The following CSGALNACT1 variants were observed in gnomAD, a reference collection of about 807,000 sequenced individuals.
CSGALNACT1 encodes the protein chondroitin sulfate N-acetylgalactosaminyltransferase 1, also known as beta4GalNAcT-1.
Under a neutral mutation model 51.0 loss-of-function variants are expected in CSGALNACT1, and 52 were observed. That is an observed-to-expected ratio of 1.02 (90% confidence interval 0.82 to 1.29). The LOEUF (loss-of-function observed/expected upper bound fraction) is 1.29, where lower values mean the gene tolerates loss of function less well. CSGALNACT1 is among the 50% of genes most tolerant of loss of function. The pLI is 0.00. For missense variants in CSGALNACT1, 935 were observed against 679.2 expected, an observed-to-expected ratio of 1.38 and a Z score of -4.19; for synonymous variants, 341 against 254.4, an observed-to-expected ratio of 1.34 and a Z score of -3.24.
At chr8:19,564,002 C>T (rs1171854113) in intron 3 of CSGALNACT1, among the ~76,000 whole-genome samples, 1 of 152,146 alleles carries the variant, frequency 6.6e-6, no homozygotes, top group African/African-American at 2.4e-5. Context: ...ACCACACCTA[C>T]TCCTTCAGAT....
chr8:19,475,432 A>C (rs995015124), intron 4 of CSGALNACT1, among the ~76,000 whole-genome samples: 1 of 152,180 alleles, frequency 6.6e-6, no homozygotes, highest in Non-Finnish European at 1.5e-5. Context: ...AATCTGTAAC[A>C]ATCTGAATAT....
At chr8:19,588,632 C>A (rs959266470) in intron 3 of CSGALNACT1, among the ~76,000 whole-genome samples, 2 of 152,180 alleles carry the variant, frequency 1.3e-5, no homozygotes, top group Non-Finnish European at 2.9e-5. Flanking sequence ...GAGATAAGAA[C>A]CCCCGCCTTC....
At chr8:19,725,454 C>CACTCT (rs907652292) in intron 1 of CSGALNACT1, among the ~76,000 whole-genome samples, 1 of 109,018 alleles carries the variant, frequency 9.2e-6, no homozygotes, top group Non-Finnish European at 1.9e-5. Context: ...GATGGAGTTT[C>CACTCT]ACTCTTTTTG....
At chr8:19,604,155 A>G (rs2051010809), upstream of CSGALNACT1, among the ~76,000 whole-genome samples, 1 of 152,174 alleles carries the variant, frequency 6.6e-6, no homozygotes, top group Admixed American at 6.5e-5. Context: ...TAACTGAAAA[A>G]TGAAGAGACT....
chr8:19,534,661 C>T (rs141911285), intron 3 of CSGALNACT1, among the ~76,000 whole-genome samples: 113 of 152,016 alleles, frequency 7.4e-4, no homozygotes, highest in African/African-American at 2.5e-3. Flanking sequence ...TAAAAGCAGA[C>T]GGGAATCGAA....
At position 19,425,686 on chromosome 8, in the gene CSGALNACT1, A is replaced by G. The variant is rs533950990; in HGVS notation, c.954-5168T>C. On this transcript the variant is annotated intron_variant, in intron 6 of 9. Transcript: ENST00000454498. The stretch of plus-strand genomic sequence containing the variant: ...GTTGCAGATGCTCCTGTGGTTTGTG[A>G]TTTTCCTAGGTGCATCCTCAACCTC... 4.6e-5 allele frequency among the ~76,000 whole-genome samples: 7 copies of G among 152,048 alleles called. No homozygotes were observed. In the East Asian group the frequency reaches 1.4e-3, roughly 29 times the overall value.
intron 1 of CSGALNACT1, among the ~76,000 whole-genome samples, chr8:19,724,646 A>G (rs183209303): frequency 1.3e-5 from 2 of 152,328 alleles, no homozygotes; most frequent in Admixed American, 1.3e-4. Context: ...TTGGGAGACC[A>G]TTATTCTGCC....
intron 1 of CSGALNACT1, among the ~76,000 whole-genome samples, chr8:19,701,342 AG>A (rs1460081635): frequency 1.3e-5 from 2 of 150,854 alleles, no homozygotes; most frequent in African/African-American, 4.9e-5. Flanking sequence ...TTAGTAGACA[AG>A]GGGTTTCACC....
At chr8:19,529,162 G>A (rs973528031) in intron 3 of CSGALNACT1, among the ~76,000 whole-genome samples, 3 of 152,090 alleles carry the variant, frequency 2.0e-5, no homozygotes, top group East Asian at 1.9e-4. Context: ...GGGGGTCAAC[G>A]GTAACTTAAA....
chr8:19,560,176 T>C (rs1007141924), intron 3 of CSGALNACT1, among the ~76,000 whole-genome samples: 7 of 152,186 alleles, frequency 4.6e-5, no homozygotes, highest in African/African-American at 9.7e-5. Context: ...TTTCACTAAA[T>C]GGAACTAGAG....
intron 4 of CSGALNACT1, among the ~76,000 whole-genome samples, chr8:19,498,109 G>A (rs560392177): frequency 3.8e-4 from 58 of 152,230 alleles, no homozygotes; most frequent in Non-Finnish European, 5.6e-4. Context: ...ATCCACGACC[G>A]TGACAAAATA....
intron 3 of CSGALNACT1, among the ~76,000 whole-genome samples, chr8:19,509,657 ACCACCTCTG>A (rs2078081936): frequency 6.8e-6 from 1 of 147,540 alleles, no homozygotes; most frequent in Non-Finnish European, 1.5e-5. Context: ...AATGGGTGTC[ACCACCTCTG>A]CCACCTTCAG....
At chr8:19,546,320 G>T (rs556986535) in intron 3 of CSGALNACT1, among the ~76,000 whole-genome samples, 15 of 152,228 alleles carry the variant, frequency 9.9e-5, no homozygotes, top group African/African-American at 3.4e-4. Context: ...CAATATTACG[G>T]CTTTTATTTT....
At chr8:19,441,174 C>A (rs1253788455) in intron 5 of CSGALNACT1, among the ~76,000 whole-genome samples, 1 of 152,166 alleles carries the variant, frequency 6.6e-6, no homozygotes, top group Admixed American at 6.5e-5. Context: ...ATGCCATCCC[C>A]ATCAAGCTAC....
chr8:19,564,169 C>A (rs530146990), intron 3 of CSGALNACT1, among the ~76,000 whole-genome samples: 9 of 152,270 alleles, frequency 5.9e-5, no homozygotes, highest in Non-Finnish European at 1.2e-4. Flanking sequence ...AAAGAGGAAA[C>A]CAGGTCATAT....
chr8:19,472,810 A>G (rs372675621), intron 4 of CSGALNACT1, among the ~76,000 whole-genome samples: 43 of 152,342 alleles, frequency 2.8e-4, no homozygotes, highest in African/African-American at 1.0e-3. Flanking sequence ...GAAGAGTAAG[A>G]TAATATAATA....
intron 3 of CSGALNACT1, among the ~76,000 whole-genome samples, chr8:19,540,363 A>G (rs1253258793): frequency 6.6e-6 from 1 of 152,170 alleles, no homozygotes; most frequent in South Asian, 2.1e-4. Context: ...TCGGGATTAT[A>G]AAGTAGGTCT....
chr8:19,669,023 G>A (rs865930739), intron 1 of CSGALNACT1, among the ~76,000 whole-genome samples: 1 of 152,158 alleles, frequency 6.6e-6, no homozygotes, highest in Non-Finnish European at 1.5e-5. Flanking sequence ...TATTACAGAT[G>A]AATATTTACA....
intron 1 of CSGALNACT1, among the ~76,000 whole-genome samples, chr8:19,674,408 A>G (rs2060017203): frequency 6.6e-6 from 1 of 152,172 alleles, no homozygotes; most frequent in South Asian, 2.1e-4. Context: ...GTGAGAGATA[A>G]TCCTGCAGAT....
Sources: gnomAD v4.1 joint callset for allele counts (sites outside exome capture counted in the v4.1 genomes callset) on GRCh38, gnomAD v4.1.1 for gene constraint, MANE v1.5 for transcripts, NCBI Gene and HGNC (gene_info 2026-07-23, HGNC 2026-07-21) for gene names.